Variants in SYNPR observed in about 807,000 individuals in gnomAD.
The protein encoded by SYNPR is synaptoporin.
In SYNPR, 23 loss-of-function variants were observed where a neutral mutation model predicts 32.9. The ratio of observed to expected loss-of-function variants is 0.70; its 90% CI spans 0.50 to 0.99. SYNPR has a LOEUF of 0.99. Among genes scored for constraint, SYNPR ranks in the 50% least tolerant of loss-of-function variants. SYNPR has a pLI of 0.00. For synonymous variants in SYNPR, 146 were observed against 135.9 expected, an observed-to-expected ratio of 1.07 and a Z score of -0.52; for missense variants, 318 against 349.3, an observed-to-expected ratio of 0.91 and a Z score of 0.71.
At chr3:63,205,983 G>A in the SYNPR span, among the ~76,000 whole-genome samples, 1 of 152,148 alleles carries the variant, frequency 6.6e-6, no homozygotes, top group Non-Finnish European at 1.5e-5. Flanking sequence ...GAAGTTTATA[G>A]CAAGGAAAGG....
At chr3:63,575,697 G>A (rs534802562) in intron 4 of SYNPR, among the ~76,000 whole-genome samples, 8 of 152,238 alleles carry the variant, frequency 5.3e-5, no homozygotes, top group Non-Finnish European at 8.8e-5. Context: ...TGGACCTCAT[G>A]TTTTCTCAGT....
rs147608898 is a variant in SYNPR, at chr3:63,237,677, A to G, written n.66+9297A>G. Reference sequence around the variant, plus strand: ...GACTCAAGGTCCTAGTTAAATCTTCATTTTATCACATTTAAGTTTAATACA... The same window carrying G: ...GACTCAAGGTCCTAGTTAAATCTTCGTTTTATCACATTTAAGTTTAATACA... On this transcript the variant is annotated intron_variant and non_coding_transcript_variant, in intron 1 of 4. Transcript: ENST00000478456. Among the ~76,000 whole-genome samples, 77 of 151,956 alleles carry G rather than the reference A, an allele frequency of 5.1e-4. 1 individual carries two copies. The East Asian group carries it at 0.015, about 29-fold the overall frequency.
intron 3 of SYNPR, among the ~76,000 whole-genome samples, chr3:63,495,344 G>C (rs1701351004): frequency 6.6e-6 from 1 of 152,072 alleles, no homozygotes; most frequent in Non-Finnish European, 1.5e-5. Context: ...TGAGCTGAGG[G>C]GTCCCAGATA....
chr3:63,231,558 A>C (rs1295792946), intron 1 of SYNPR, among the ~76,000 whole-genome samples: 1 of 150,404 alleles, frequency 6.6e-6, no homozygotes, highest in Non-Finnish European at 1.5e-5. Flanking sequence ...TAAGTCTTCC[A>C]TCTCAGGAAA....
At position 63,437,807 on chromosome 3, in the gene SYNPR, T is replaced by G. The variant is rs75821786; in HGVS notation, c.85-43025T>G. 7.0e-3 allele frequency among the ~76,000 whole-genome samples: 1,072 copies of G among 152,288 alleles called. 18 individuals are homozygous for G. Among genetic ancestry groups the G allele is most frequent in the African/African-American group, 0.025 (1,033 of 41,560 alleles). ...ACGGGGACTAAGGGAATAAATACCC[T>G]GACCTCAGTCTCCTCTCACCCTCTA... is the stretch of plus-strand genomic sequence containing the variant. On this transcript the variant is annotated intron_variant, in intron 2 of 5. Transcript: ENST00000478300.
intron 2 of SYNPR, among the ~76,000 whole-genome samples, chr3:63,308,914 C>A (rs1265037551): frequency 6.6e-6 from 1 of 151,782 alleles, no homozygotes; most frequent in Non-Finnish European, 1.5e-5. Flanking sequence ...TAGTTTTCAT[C>A]AAGTTTTGAT....
intron 2 of SYNPR, chr3:63,427,679 C>A (rs997254437): frequency 2.6e-5 from 4 of 152,250 alleles, no homozygotes; most frequent in African/African-American, 9.6e-5. Flanking sequence ...GTTCTCCAAA[C>A]TGGTAGATTC....
At position 63,371,582 on chromosome 3, in the gene SYNPR, G is replaced by A. The variant is rs956604765; in HGVS notation, c.84+92840G>A. ...TGCAAGCCACTATTTTTGCTGCCCT[G>A]CAGCCCTAATTGCTGCTGCCCTCAG... is the stretch of plus-strand genomic sequence containing the variant. On this transcript the variant is annotated intron_variant, in intron 2 of 5. Coordinates refer to ENST00000478300, the MANE Select transcript of SYNPR (RefSeq NM_001130003.2). Among the ~76,000 whole-genome samples the A allele has an allele frequency of 2.0e-5, 3 of 152,202 alleles. No individual in the cohort carries two copies. In the East Asian group the frequency reaches 5.8e-4, roughly 29 times the overall value.
chr3:63,226,163 C>T (rs1481898679), upstream of SYNPR, among the ~76,000 whole-genome samples: 4 of 151,844 alleles, frequency 2.6e-5, no homozygotes, highest in African/African-American at 9.7e-5. Flanking sequence ...CAATCTAACC[C>T]CAGTTAGAAT....
intron 3 of SYNPR, among the ~76,000 whole-genome samples, chr3:63,488,058 TAACGCTAGCTCTGCCAGGCA>T (rs1196453296): frequency 6.6e-6 from 1 of 152,134 alleles, no homozygotes; most frequent in Non-Finnish European, 1.5e-5. Context: ...CATTATCTAG[TAACGCTAGCTCTGCCAGGCA>T]GAAAGAATTT....
At chr3:63,420,728 A>T (rs1399091119) in intron 2 of SYNPR, among the ~76,000 whole-genome samples, 3 of 152,206 alleles carry the variant, frequency 2.0e-5, no homozygotes, top group Non-Finnish European at 4.4e-5. Context: ...GACGAAGGAT[A>T]TCAAACAAAG....
chr3:63,210,791 T>TCCTC, the SYNPR span, among the ~76,000 whole-genome samples: 1 of 80,094 alleles, frequency 1.2e-5, no homozygotes, highest in African/African-American at 4.3e-5. Context: ...CTTCCCATTT[T>TCCTC]CCTCCCTTCC....
chr3:63,292,172 A>G (rs1019615519), intron 2 of SYNPR, among the ~76,000 whole-genome samples: 1 of 152,244 alleles, frequency 6.6e-6, no homozygotes, highest in African/African-American at 2.4e-5. Context: ...CATTGACCAA[A>G]ACATCATTAT....
intron 2 of SYNPR, among the ~76,000 whole-genome samples, chr3:63,462,666 T>C (rs1700606699): frequency 6.6e-6 from 1 of 152,164 alleles, no homozygotes; most frequent in African/African-American, 2.4e-5. Context: ...TGTACACTGA[T>C]ATAAAATGGG....
chr3:63,549,029 A>G (rs1223458218), intron 3 of SYNPR, among the ~76,000 whole-genome samples: 1 of 152,214 alleles, frequency 6.6e-6, no homozygotes, highest in Non-Finnish European at 1.5e-5. Flanking sequence ...TTTCTATTAA[A>G]AAATCACACC....
chr3:63,376,764 CCT>C (rs1453453480), intron 2 of SYNPR, among the ~76,000 whole-genome samples: 2 of 151,810 alleles, frequency 1.3e-5, no homozygotes, highest in African/African-American at 4.8e-5. Flanking sequence ...TGGAGTAGCC[CCT>C]GTCTCTATCA....
rs2086259410 is a variant in SYNPR at position 63,242,959 on chromosome 3, T to C, written n.67-9540T>C. 2.6e-5 allele frequency among the ~76,000 whole-genome samples: 4 copies of C among 152,084 alleles called. No individual in the cohort carries two copies. In the South Asian group the frequency reaches 6.2e-4, roughly 24 times the overall value. On this transcript the variant is annotated intron_variant and non_coding_transcript_variant, in intron 1 of 4. Transcript: ENST00000478456. ...TGAAAGAAAAGATCAGCTAACTGGT[T>C]GAACAATAGCGCATATACCCATGAG...
chr3:63,487,466 T>C (rs1701177376), intron 3 of SYNPR, among the ~76,000 whole-genome samples: 1 of 152,220 alleles, frequency 6.6e-6, no homozygotes, highest in African/African-American at 2.4e-5. Context: ...TTTTATTTCA[T>C]TATCAAGTAA....
intron 2 of SYNPR, among the ~76,000 whole-genome samples, chr3:63,400,431 G>A (rs1450264492): frequency 6.6e-6 from 1 of 152,208 alleles, no homozygotes; most frequent in Non-Finnish European, 1.5e-5. Flanking sequence ...TCCAAGATGG[G>A]TTACTCACAC....
Sources: gnomAD v4.1 joint callset for allele counts (sites outside exome capture counted in the v4.1 genomes callset) on GRCh38, gnomAD v4.1.1 for gene constraint, MANE v1.5 for transcripts, NCBI Gene and HGNC (gene_info 2026-07-23, HGNC 2026-07-21) for gene names.